The following ZNF600 variants were observed in gnomAD, a reference collection of about 807,000 sequenced individuals.
ZNF600 encodes the protein zinc finger protein 600, also known as zinc finger protein KR-ZNF1.
In ZNF600, 4 loss-of-function variants were observed where a neutral mutation model predicts 7.3. The observed-to-expected ratio is 0.55, with a 90% CI of 0.27 to 1.25. The LOEUF (loss-of-function observed/expected upper bound fraction) is 1.25, where lower values mean the gene tolerates loss of function less well. Ranked by LOEUF, ZNF600 falls within the 50% of genes most tolerant of loss-of-function variation. ZNF600 has a pLI of 0.12. For synonymous variants in ZNF600, 290 were observed against 308.9 expected (o/e 0.94, Z 0.64); for missense variants, 911 against 922.1 (o/e 0.99, Z 0.16).
chr19:52,780,144 G>GT (rs2062708670), intron 1 of ZNF600, among the ~76,000 whole-genome samples: 1 of 152,116 alleles, frequency 6.6e-6, no homozygotes, highest in Non-Finnish European at 1.5e-5. Context: ...CCAAATCAAT[G>GT]TACTTCTTAC....
chr19:52,828,074 C>T, the ZNF600 span, among the ~76,000 whole-genome samples: 2 of 151,884 alleles, frequency 1.3e-5, no homozygotes, highest in African/African-American at 4.8e-5. Context: ...TTTTTTGAGA[C>T]AAAGTCTTGC....
chr19:52,790,420 C>T (rs532977903), upstream of ZNF600, among the ~76,000 whole-genome samples: 1 of 152,214 alleles, frequency 6.6e-6, no homozygotes, highest in South Asian at 2.1e-4. Context: ...TCGCTTGAAC[C>T]CAGGAGGCAG....
the ZNF600 span, among the ~76,000 whole-genome samples, chr19:52,829,818 A>C: frequency 0.45 from 68,020 of 150,964 alleles, 16,858 homozygotes; most frequent in Non-Finnish European, 0.57. Context: ...AGCCAGTCTA[A>C]GCTGTTTCTG....
At chr19:52,765,740 G>A in exon 4 of ZNF600, 1 of 1,613,864 alleles carries the variant, frequency 6.2e-7, no homozygotes. Flanking sequence ...CAAAAGTCTT[G>A]TCACAAACCT....
chr19:52,803,238 G>A, the ZNF600 span, among the ~76,000 whole-genome samples: 873 of 151,912 alleles, frequency 5.7e-3, 8 homozygotes, highest in African/African-American at 0.019. Context: ...CACTGTGCCC[G>A]GCTAATTTTT....
the ZNF600 span, among the ~76,000 whole-genome samples, chr19:52,796,928 A>T: frequency 6.6e-6 from 1 of 152,212 alleles, no homozygotes; most frequent in Admixed American, 6.5e-5. Context: ...TTGGTGCAAA[A>T]AATGTGACAT....
At chr19:52,804,948 C>T in the ZNF600 span, among the ~76,000 whole-genome samples, 1 of 152,092 alleles carries the variant, frequency 6.6e-6, no homozygotes, top group African/African-American at 2.4e-5. Flanking sequence ...TACTTGAAGC[C>T]ATCTAATAGC....
At chr19:52,787,473 T>C (rs374242606), upstream of ZNF600, among the ~76,000 whole-genome samples, 7 of 146,508 alleles carry the variant, frequency 4.8e-5, no homozygotes, top group African/African-American at 7.5e-5. Flanking sequence ...GTGGCACGAT[T>C]TTGGCTCACT....
intron 2 of ZNF600, among the ~76,000 whole-genome samples, chr19:52,776,113 T>C (rs1001920874): frequency 1.4e-5 from 2 of 138,576 alleles, no homozygotes; most frequent in African/African-American, 5.6e-5. Flanking sequence ...TCTTAAGCCA[T>C]AAAATAACAT....
chr19:52,790,172 G>A (rs377608777), upstream of ZNF600, among the ~76,000 whole-genome samples: 39 of 152,310 alleles, frequency 2.6e-4, no homozygotes, highest in East Asian at 4.8e-3. Context: ...GGGCGTATAC[G>A]TGCAAGTCAC....
the ZNF600 span, among the ~76,000 whole-genome samples, chr19:52,822,818 T>C: frequency 6.6e-6 from 1 of 152,156 alleles, no homozygotes; most frequent in African/African-American, 2.4e-5. Flanking sequence ...GTGAGGCTGC[T>C]ACAGTCCGAC....
At chr19:52,778,206 G>A (rs1410720166) in intron 2 of ZNF600, among the ~76,000 whole-genome samples, 1 of 152,034 alleles carries the variant, frequency 6.6e-6, no homozygotes, top group Admixed American at 6.6e-5. Flanking sequence ...TAGAGGTGGG[G>A]TTTCACCATG....
At chr19:52,786,207 A>C (rs112201957) in intron 1 of ZNF600, among the ~76,000 whole-genome samples, 6 of 13,856 alleles carry the variant, frequency 4.3e-4, no homozygotes, top group Non-Finnish European at 1.1e-3. Context: ...CCTGCGACCC[A>C]CCCCAACCCT....
At chr19:52,823,956 G>A in the ZNF600 span, among the ~76,000 whole-genome samples, 2 of 151,778 alleles carry the variant, frequency 1.3e-5, no homozygotes, top group East Asian at 1.9e-4. Flanking sequence ...CCAGCTACTC[G>A]GGAGGCTGAG....
chr19:52,793,779 C>T, the ZNF600 span, among the ~76,000 whole-genome samples: 1,531 of 70,762 alleles, frequency 0.022, 18 homozygotes, highest in South Asian at 0.048. Context: ...CACACACACA[C>T]ACACACACAC....
At chr19:52,832,234 T>C in the ZNF600 span, among the ~76,000 whole-genome samples, 1 of 152,020 alleles carries the variant, frequency 6.6e-6, no homozygotes, top group Non-Finnish European at 1.5e-5. Flanking sequence ...GTAAAATCAA[T>C]GATGTGATAA....
chr19:52,771,643 A>C (rs1404193299), intron 3 of ZNF600, among the ~76,000 whole-genome samples: 2 of 152,106 alleles, frequency 1.3e-5, no homozygotes, highest in African/African-American at 2.4e-5. Flanking sequence ...ACACCCAGCT[A>C]ATTTTTGTAT....
upstream of ZNF600, among the ~76,000 whole-genome samples, chr19:52,788,167 T>C (rs898865991): frequency 1.3e-5 from 2 of 152,162 alleles, no homozygotes; most frequent in African/African-American, 2.4e-5. Flanking sequence ...CACTAGGTTA[T>C]AGAAGATGGA....
chr19:52,785,720 C>T (rs2062758026), intron 1 of ZNF600, among the ~76,000 whole-genome samples: 1 of 152,122 alleles, frequency 6.6e-6, no homozygotes, highest in South Asian at 2.1e-4. Flanking sequence ...CCCCAGGTGT[C>T]CTCCCTGCTG....
Sources: gnomAD v4.1 joint callset for allele counts (sites outside exome capture counted in the v4.1 genomes callset) on GRCh38, gnomAD v4.1.1 for gene constraint, MANE v1.5 for transcripts, NCBI Gene and HGNC (gene_info 2026-07-23, HGNC 2026-07-21) for gene names.